SPATA6: variants seen among roughly 807,000 people sequenced by gnomAD.
SPATA6 encodes spermatogenesis associated 6, also known as spermatogenesis-associated protein 6.
SPATA6 carries 56 observed loss-of-function variants against 65.3 expected under a neutral mutation model. The observed-to-expected ratio is 0.86, with a 90% CI of 0.69 to 1.07. The LOEUF is 1.07. Ranked by LOEUF, SPATA6 falls within the 50% of genes least tolerant of loss-of-function variation. SPATA6 has a pLI of 0.00. For missense variants in SPATA6, 590 were observed against 594.8 expected (o/e 0.99, Z 0.08); for synonymous variants, 199 against 213.2 (o/e 0.93, Z 0.58).
chr1:48,330,322 C>T (rs1645879698), intron 11 of SPATA6, among the ~76,000 whole-genome samples: 1 of 152,094 alleles, frequency 6.6e-6, no homozygotes. Flanking sequence ...CACTGGTAGC[C>T]AGGCAGGTGA....
chr1:48,296,864 T>C lies in SPATA6; in HGVS notation c.*1849A>G, dbSNP rs1488274101. 1.3e-5 allele frequency: 2 copies of C among 152,110 alleles called. No individual in the cohort carries two copies. Among genetic ancestry groups the C allele is most frequent in the Non-Finnish European group, 2.9e-5 (2 of 68,010 alleles). 9.4% of individuals were successfully genotyped at this position (152,110 alleles called of 1,614,324 possible). A position where few individuals can be genotyped will look rare whatever the true frequency, so the allele number is the denominator to read the frequency against. ...GGCAAGAATAACAAATAGTGGTACA[T>C]GCTAAATTTAGTTTAGAAAATTCTG... On this transcript the variant is annotated 3_prime_UTR_variant, in exon 13 of 13. Transcript: ENST00000371847.
chr1:48,457,470 A>G (rs1657098215), intron 1 of SPATA6, among the ~76,000 whole-genome samples: 1 of 152,082 alleles, frequency 6.6e-6, no homozygotes, highest in Non-Finnish European at 1.5e-5. Flanking sequence ...AATCCAATGA[A>G]CTCTCAAGAA....
chr1:48,279,118 G>T, the SPATA6 span, among the ~76,000 whole-genome samples: 3 of 152,116 alleles, frequency 2.0e-5, no homozygotes, highest in Non-Finnish European at 4.4e-5. Flanking sequence ...ATCCTTTACA[G>T]ACAAGCAAAT....
intron 8 of SPATA6, among the ~76,000 whole-genome samples, chr1:48,387,188 T>A (rs1481265330): frequency 1.3e-5 from 2 of 152,074 alleles, no homozygotes; most frequent in African/African-American, 2.4e-5. Flanking sequence ...CTCACTCTCA[T>A]GAGAACAGCA....
rs1354608793 is a variant in SPATA6, at chr1:48,297,645, C to T, written c.*1068G>A. 6.6e-6 allele frequency: 1 copy of T among 152,130 alleles called. No homozygotes were observed. The highest frequency in any genetic ancestry group is 2.4e-5 in the African/African-American group (1 of 41,426). The allele number at this position is 152,130 out of a possible 1,614,324, so 9.4% of individuals were successfully genotyped here. ...CCAGTTCACTTATTCCTACACTCTC[C>T]TTTCCCTCCCCTCACTCTCTATTAA... On this transcript the variant is annotated 3_prime_UTR_variant, in exon 13 of 13. Transcript: ENST00000371847.
At chr1:48,397,117 T>C (rs79135098) in intron 7 of SPATA6, among the ~76,000 whole-genome samples, 1,669 of 151,496 alleles carry the variant, frequency 0.011, 37 homozygotes, top group East Asian at 0.096. Context: ...AAAGGCCAAA[T>C]GTTGTATAAT....
chr1:48,279,548 C>T, the SPATA6 span, among the ~76,000 whole-genome samples: 2 of 152,110 alleles, frequency 1.3e-5, no homozygotes, highest in South Asian at 4.1e-4. Flanking sequence ...TCTGATAAAA[C>T]AGACTTTAAA....
intron 3 of SPATA6, chr1:48,436,824 T>C (rs1654984855): frequency 2.5e-6 from 4 of 1,613,580 alleles, no homozygotes; most frequent in South Asian, 2.2e-5. Context: ...GTCCTCCTTA[T>C]AGCCCATTGG....
intron 11 of SPATA6, among the ~76,000 whole-genome samples, chr1:48,310,428 C>T (rs968036325): frequency 1.3e-5 from 2 of 152,144 alleles, no homozygotes; most frequent in African/African-American, 2.4e-5. Flanking sequence ...AGATGGGACT[C>T]GGTCAAGTTA....
intron 11 of SPATA6, chr1:48,325,392 C>A: frequency 1.5e-6 from 2 of 1,376,544 alleles, no homozygotes; most frequent in Non-Finnish European, 2.1e-6. Flanking sequence ...TTCCTCCAGG[C>A]CCAAGGAGCC....
chr1:48,360,379 G>A (rs898145580), intron 9 of SPATA6, among the ~76,000 whole-genome samples: 5 of 152,094 alleles, frequency 3.3e-5, no homozygotes, highest in Non-Finnish European at 7.4e-5. Context: ...TGATGGGTGC[G>A]ATGGAAAGAT....
chr1:48,391,337 C>T lies in SPATA6; in HGVS notation c.868+3930G>A, dbSNP rs182928707. Among the ~76,000 whole-genome samples the T allele has an allele frequency of 2.4e-3, 359 of 151,444 alleles. 2 individuals are homozygous for T. The highest frequency in any genetic ancestry group is 4.8e-3 in the South Asian group (23 of 4,778). On this transcript the variant is annotated intron_variant, in intron 8 of 12. Coordinates refer to ENST00000371847, the MANE Select transcript of SPATA6 (RefSeq NM_019073.4). ...GGTTGCAGTGAGCCATGTTACACCACGCCCACCAGCCTGGATAACAAAGCA... is the reference window on the plus strand; with the variant it reads ...GGTTGCAGTGAGCCATGTTACACCATGCCCACCAGCCTGGATAACAAAGCA...
At chr1:48,305,003 A>T (rs562834207) in intron 12 of SPATA6, among the ~76,000 whole-genome samples, 1 of 152,314 alleles carries the variant, frequency 6.6e-6, no homozygotes, top group Non-Finnish European at 1.5e-5. Context: ...AGAGAGGCCT[A>T]GGTTGCTTCT....
rs1246587391 is a variant in SPATA6 at position 48,411,517 on chromosome 1, C to T, written c.352G>A (p.Gly118Arg). The change falls in exon 5 of 13, where the codon GGA becomes AGA. Residue 118 changes from glycine to arginine, a missense_variant. Coordinates refer to ENST00000371847, the MANE Select transcript of SPATA6 (RefSeq NM_019073.4). ...FMFPGPNQMS[G>R]HHDSNRQVTM... ...ACCTGGCGGTTTGAATCATGGTGTCCAGACATTTGGTTTGGACCCGGAAAC... is the reference window on the plus strand; with the variant it reads ...ACCTGGCGGTTTGAATCATGGTGTCTAGACATTTGGTTTGGACCCGGAAAC... The T allele has an allele frequency of 1.2e-6, 2 of 1,611,124 alleles. No homozygotes were observed. The highest frequency in any genetic ancestry group is 2.7e-5 in the African/African-American group (2 of 74,834).
At chr1:48,436,008 T>G in intron 3 of SPATA6, 1 of 1,607,912 alleles carries the variant, frequency 6.2e-7, no homozygotes, top group Non-Finnish European at 8.5e-7. Flanking sequence ...GAACACAAGA[T>G]GAATCACTCA....
chr1:48,410,923 A>C (rs545874130), intron 5 of SPATA6, among the ~76,000 whole-genome samples: 2 of 152,352 alleles, frequency 1.3e-5, no homozygotes, highest in South Asian at 4.1e-4. Flanking sequence ...GTATAGCAGC[A>C]TATGAAAGAT....
chr1:48,275,832 A>C, the SPATA6 span, among the ~76,000 whole-genome samples: 1 of 152,112 alleles, frequency 6.6e-6, no homozygotes, highest in East Asian at 1.9e-4. Flanking sequence ...TGGTATCAGG[A>C]TGATGCTGGA....
At chr1:48,325,318 T>C (rs1570127716) in intron 11 of SPATA6, 2 of 1,220,244 alleles carry the variant, frequency 1.6e-6, no homozygotes, top group Non-Finnish European at 2.4e-6. Context: ...TCACTGTGTG[T>C]AGGGCACAGG....
the SPATA6 span, among the ~76,000 whole-genome samples, chr1:48,278,703 T>C: frequency 2.6e-5 from 4 of 152,294 alleles, no homozygotes; most frequent in South Asian, 8.3e-4. Flanking sequence ...AATCTACATC[T>C]GATTGGCGTA....
Sources: gnomAD v4.1 joint callset for allele counts (sites outside exome capture counted in the v4.1 genomes callset) on GRCh38, gnomAD v4.1.1 for gene constraint, MANE v1.5 for transcripts, NCBI Gene and HGNC (gene_info 2026-07-23, HGNC 2026-07-21) for gene names.